The following MAP3K20 variants were observed in gnomAD, a reference collection of about 807,000 sequenced individuals.
The protein encoded by MAP3K20 is mitogen-activated protein kinase kinase kinase 20.
MAP3K20 carries 40 observed loss-of-function variants against 85.7 expected under a neutral mutation model. The ratio of observed to expected loss-of-function variants is 0.47; its 90% confidence interval spans 0.36 to 0.61. The LOEUF (loss-of-function observed/expected upper bound fraction) is 0.61, where lower values mean the gene tolerates loss of function less well. Ranked by LOEUF, MAP3K20 falls within the 20% of genes least tolerant of loss-of-function variation. The pLI, the probability that MAP3K20 is intolerant of heterozygous loss-of-function variation, is 0.00. For missense variants in MAP3K20, 817 were observed against 961.7 expected (o/e 0.85, Z 1.99); for synonymous variants, 325 against 327.7 (o/e 0.99, Z 0.09).
At chr2:173,217,360 C>G in intron 11 of MAP3K20, 110 bp downstream of exon 11, 1 of 1,297,784 alleles carries the variant, frequency 7.7e-7, no homozygotes, top group South Asian at 2.8e-5. Flanking sequence ...CTCCTCATTT[C>G]CTGCCTCGCG....
At chr2:173,142,959 C>G (rs1157849091) in intron 2 of MAP3K20, among the ~76,000 whole-genome samples, 1 of 151,768 alleles carries the variant, frequency 6.6e-6, no homozygotes, top group Non-Finnish European at 1.5e-5. Flanking sequence ...CCCAGGAGTT[C>G]AAGGCTGCAG....
intron 2 of MAP3K20, among the ~76,000 whole-genome samples, chr2:173,138,842 T>C (rs1177303087): frequency 1.3e-5 from 2 of 152,248 alleles, no homozygotes; most frequent in Non-Finnish European, 2.9e-5. Context: ...GTTTTCCTTC[T>C]TCATCTGGTA....
chr2:173,188,143 G>A (rs753880760), intron 5 of MAP3K20, among the ~76,000 whole-genome samples: 4 of 152,198 alleles, frequency 2.6e-5, no homozygotes, highest in African/African-American at 9.6e-5. Context: ...AGTTTGGAAA[G>A]TAAAGGCTCT....
At chr2:173,155,026 A>G (rs1359928980) in intron 2 of MAP3K20, among the ~76,000 whole-genome samples, 1 of 152,188 alleles carries the variant, frequency 6.6e-6, no homozygotes, top group Non-Finnish European at 1.5e-5. Context: ...TGGAGAGATG[A>G]AAAACATTTT....
chr2:173,110,632 C>T (rs948789453), intron 2 of MAP3K20, among the ~76,000 whole-genome samples: 5 of 152,028 alleles, frequency 3.3e-5, no homozygotes, highest in Admixed American at 3.3e-4. Flanking sequence ...CATTTGCGTC[C>T]TCATAGCTTA....
intron 10 of MAP3K20, chr2:173,211,605 T>C (rs984538599): frequency 3.9e-5 from 6 of 152,234 alleles, no homozygotes; most frequent in African/African-American, 1.4e-4. Flanking sequence ...TTCATAGGCT[T>C]TGCTGCTATT....
intron 2 of MAP3K20, among the ~76,000 whole-genome samples, chr2:173,147,563 A>C (rs1056094768): frequency 1.3e-5 from 2 of 152,188 alleles, no homozygotes; most frequent in African/African-American, 2.4e-5. Context: ...ATTTTGACTC[A>C]AAATAGTATA....
chr2:173,130,143 T>C (rs1400707623), intron 2 of MAP3K20, among the ~76,000 whole-genome samples: 2 of 152,240 alleles, frequency 1.3e-5, no homozygotes, highest in African/African-American at 4.8e-5. Context: ...ATCTGATGAA[T>C]GTGCAGAGAT....
chr2:173,095,392 ATTGT>A (rs748006386), intron 2 of MAP3K20, among the ~76,000 whole-genome samples: 4 of 145,226 alleles, frequency 2.8e-5, no homozygotes, highest in Non-Finnish European at 4.7e-5. Flanking sequence ...GGGTACTAGG[ATTGT>A]TTACTTTAGA....
At chr2:173,264,043 T>A in intron 19 of MAP3K20, 148 bp downstream of exon 19, 2 of 924,792 alleles carry the variant, frequency 2.2e-6, no homozygotes, top group Non-Finnish European at 3.1e-6. Flanking sequence ...CAGTTGCAAC[T>A]GGCTTACTCC....
intron 11 of MAP3K20, chr2:173,224,692 T>C (rs1010426015): frequency 1.0e-6 from 1 of 985,334 alleles, no homozygotes; most frequent in African/African-American, 1.7e-5. Context: ...GTTGGCTCTA[T>C]TACTTTCTGT....
At chr2:173,222,663 A>G (rs1321251194) in intron 11 of MAP3K20, 4 of 985,056 alleles carry the variant, frequency 4.1e-6, no homozygotes, top group Non-Finnish European at 4.8e-6. Context: ...GAAATTAAAT[A>G]TTATAAAAGA....
At chr2:173,221,409 A>T (rs765118777) in intron 11 of MAP3K20, 4 of 1,614,124 alleles carry the variant, frequency 2.5e-6, no homozygotes, top group Non-Finnish European at 3.4e-6. Context: ...ACCACATCTA[A>T]GAGAAGGGGG....
intron 4 of MAP3K20, among the ~76,000 whole-genome samples, chr2:173,186,911 A>T (rs1690502286): frequency 1.3e-5 from 2 of 152,252 alleles, no homozygotes; most frequent in Non-Finnish European, 2.9e-5. Flanking sequence ...AATACAGATT[A>T]TCTCAAAGAT....
chr2:173,165,469 A>G (rs1440283771), intron 2 of MAP3K20, among the ~76,000 whole-genome samples: 1 of 152,130 alleles, frequency 6.6e-6, no homozygotes, highest in African/African-American at 2.4e-5. Flanking sequence ...AGATCCTCCA[A>G]GTCCTAGTTT....
At chr2:173,258,216 TGA>T (rs1461003602) in intron 16 of MAP3K20, among the ~76,000 whole-genome samples, 1 of 152,128 alleles carries the variant, frequency 6.6e-6, no homozygotes, top group Non-Finnish European at 1.5e-5. Context: ...AAGAGGAAAG[TGA>T]GAGTTTCTTG....
At chr2:173,242,586 T>C (rs1684813738) in intron 16 of MAP3K20, among the ~76,000 whole-genome samples, 1 of 152,060 alleles carries the variant, frequency 6.6e-6, no homozygotes, top group African/African-American at 2.4e-5. Flanking sequence ...CAATGGTCTG[T>C]TTTTGGTAAT....
At position 173,222,020 on chromosome 2, in the gene MAP3K20, T is replaced by TA. The variant is rs555291116; in HGVS notation, c.987+4771dup. The TA allele has an allele frequency of 1.2e-3, 1,222 of 978,034 alleles. 25 individuals are homozygous for TA. In the South Asian group the frequency reaches 0.049, roughly 40 times the overall value. 60.6% of individuals were successfully genotyped at this position (978,034 alleles called of 1,614,324 possible). Reference sequence around the variant, plus strand: ...TCAGAAATGGTTGGCCTGAGCAACCTAGTAAGACCTCGTCTCTACTAATAA... The same window carrying TA: ...TCAGAAATGGTTGGCCTGAGCAACCTAAGTAAGACCTCGTCTCTACTAATAA... On this transcript the variant is annotated intron_variant, in intron 11 of 19. Coordinates refer to ENST00000375213, the MANE Select transcript of MAP3K20 (RefSeq NM_016653.3).
rs1273551046 is a variant in MAP3K20, at chr2:173,263,794, G to A, written c.1601G>A (p.Trp534Ter). 6.8e-6 allele frequency: 11 copies of A among 1,613,318 alleles called. No homozygotes were observed. The highest frequency in any genetic ancestry group is 9.3e-6 in the Non-Finnish European group (11 of 1,179,822). ...KSTKHVHSIQ[W>*]SRTKPQDEVK... ...ACTAAACATGTCCATTCGATTCAGT[G>A]GAGTAGAACAAAACCTCAGGATGAA... The change falls in exon 19 of 20, where the codon TGG becomes TAG. Residue 534 changes from tryptophan (W) to a stop codon, truncating the protein, a stop_gained. Transcript: ENST00000375213. LOFTEE classifies it high-confidence loss of function.
Sources: gnomAD v4.1 joint callset for allele counts (sites outside exome capture counted in the v4.1 genomes callset) on GRCh38, gnomAD v4.1.1 for gene constraint, MANE v1.5 for transcripts, NCBI Gene and HGNC (gene_info 2026-07-23, HGNC 2026-07-21) for gene names.